Variants in CSMD1 observed in about 807,000 individuals in gnomAD.
CSMD1 encodes the protein CUB and Sushi multiple domains 1, also known as CUB and sushi domain-containing protein 1.
CSMD1 carries 213 observed loss-of-function variants against 417.5 expected under a neutral mutation model. The observed-to-expected ratio is 0.51, with a 90% CI of 0.46 to 0.57. CSMD1 has a LOEUF of 0.57. Ranked by LOEUF, CSMD1 falls within the 20% of genes least tolerant of loss-of-function variation. CSMD1 has a pLI of 0.00. For synonymous variants in CSMD1, 2,862 were observed against 1,736.8 expected (o/e 1.65, Z -16.11); for missense variants, 6,923 against 4,529.7 (o/e 1.53, Z -15.17).
At chr8:3,382,465 A>G (rs1810693445) in intron 18 of CSMD1, among the ~76,000 whole-genome samples, 1 of 116,422 alleles carries the variant, frequency 8.6e-6, no homozygotes, top group Non-Finnish European at 1.8e-5. Flanking sequence ...TATATAATAT[A>G]TTATATATAA....
intron 3 of CSMD1, among the ~76,000 whole-genome samples, chr8:4,090,829 A>C (rs1336258442): frequency 6.6e-6 from 1 of 152,218 alleles, no homozygotes; most frequent in Non-Finnish European, 1.5e-5. Context: ...TCGAATGAAA[A>C]AATAGAAATA....
At chr8:3,600,814 T>G (rs1450710078) in intron 8 of CSMD1, among the ~76,000 whole-genome samples, 1 of 151,980 alleles carries the variant, frequency 6.6e-6, no homozygotes, top group Non-Finnish European at 1.5e-5. Context: ...TTCATATGCA[T>G]GTTTTGCAAC....
chr8:4,657,721 G>GAAAA (rs566573120), intron 1 of CSMD1, among the ~76,000 whole-genome samples: 2 of 118,946 alleles, frequency 1.7e-5, no homozygotes, highest in African/African-American at 6.1e-5. Flanking sequence ...CAAAAGAAAT[G>GAAAA]AAAAAAAAAA....
intron 37 of CSMD1, among the ~76,000 whole-genome samples, chr8:3,174,566 A>T (rs1369375867): frequency 6.6e-6 from 1 of 152,236 alleles, no homozygotes; most frequent in African/African-American, 2.4e-5. Context: ...AAAAATTTTT[A>T]AAAGACTATA....
chr8:3,238,102 G>A (rs909921566), intron 26 of CSMD1, among the ~76,000 whole-genome samples: 3 of 151,968 alleles, frequency 2.0e-5, no homozygotes, highest in African/African-American at 7.3e-5. Flanking sequence ...TCACCGAAGG[G>A]AGATACGGGT....
chr8:3,837,480 G>T lies in CSMD1; in HGVS notation c.819-83438C>A, dbSNP rs574176561. ...AGATGTCCTCCTGGGACCTAATGCTGAACAGCAGAAACAAGATGTGAGATC... is the reference window on the plus strand; with the variant it reads ...AGATGTCCTCCTGGGACCTAATGCTTAACAGCAGAAACAAGATGTGAGATC... On this transcript the variant is annotated intron_variant, in intron 5 of 69. Transcript: ENST00000635120. Among the ~76,000 whole-genome samples the T allele has an allele frequency of 1.7e-4, 26 of 152,176 alleles. No individual in the cohort carries two copies. The South Asian group carries it at 5.4e-3, about 32-fold the overall frequency.
intron 1 of CSMD1, among the ~76,000 whole-genome samples, chr8:4,795,504 T>A (rs1454155328): frequency 2.0e-5 from 3 of 151,794 alleles, no homozygotes; most frequent in Non-Finnish European, 4.4e-5. Flanking sequence ...TATCCTGACC[T>A]GCCCACCTCG....
At chr8:3,500,767 G>C (rs1339698506) in intron 10 of CSMD1, among the ~76,000 whole-genome samples, 1 of 152,320 alleles carries the variant, frequency 6.6e-6, no homozygotes, top group East Asian at 1.9e-4. Flanking sequence ...ACCATGGCAA[G>C]AAAGAACAGC....
chr8:4,736,872 A>G (rs77851646), intron 1 of CSMD1, among the ~76,000 whole-genome samples: 2,461 of 152,224 alleles, frequency 0.016, 69 homozygotes, highest in African/African-American at 0.056. Context: ...CAGAGCTGGT[A>G]TGTAAGCGTT....
chr8:3,805,649 G>A (rs1012944317), intron 5 of CSMD1, among the ~76,000 whole-genome samples: 5 of 152,172 alleles, frequency 3.3e-5, no homozygotes, highest in Admixed American at 2.0e-4. Flanking sequence ...GGAGTAAAAT[G>A]AAGGCAAGTT....
intron 3 of CSMD1, among the ~76,000 whole-genome samples, chr8:4,319,792 G>A (rs746619933): frequency 9.2e-5 from 14 of 152,072 alleles, no homozygotes; most frequent in Admixed American, 2.6e-4. Flanking sequence ...AGAGAGAAGA[G>A]AGCTTCACAA....
chr8:3,482,321 G>A (rs1360168576), intron 11 of CSMD1, among the ~76,000 whole-genome samples: 8 of 152,020 alleles, frequency 5.3e-5, no homozygotes, highest in African/African-American at 1.9e-4. Flanking sequence ...GATAGTAAAA[G>A]AAACAAAAGA....
intron 5 of CSMD1, among the ~76,000 whole-genome samples, chr8:3,850,143 G>T (rs1049834593): frequency 6.6e-6 from 1 of 152,172 alleles, no homozygotes; most frequent in Non-Finnish European, 1.5e-5. Flanking sequence ...CATTCTTAGG[G>T]CATATCCCTT....
At chr8:3,750,802 C>T (rs913861253) in intron 6 of CSMD1, among the ~76,000 whole-genome samples, 1 of 152,184 alleles carries the variant, frequency 6.6e-6, no homozygotes, top group African/African-American at 2.4e-5. Context: ...TAAGCTGTTG[C>T]TCTGTCTCCA....
chr8:4,902,611 G>T (rs917328132), intron 1 of CSMD1, among the ~76,000 whole-genome samples: 2 of 152,108 alleles, frequency 1.3e-5, no homozygotes, highest in Non-Finnish European at 2.9e-5. Flanking sequence ...TTTGACCATT[G>T]TAATATTTTG....
chr8:4,283,873 C>T (rs1019600386), intron 3 of CSMD1, among the ~76,000 whole-genome samples: 1 of 152,182 alleles, frequency 6.6e-6, no homozygotes, highest in African/African-American at 2.4e-5. Flanking sequence ...ACCTCCAGGT[C>T]TTTCTCCATG....
intron 5 of CSMD1, among the ~76,000 whole-genome samples, chr8:3,942,457 A>G (rs1269110801): frequency 6.6e-6 from 1 of 152,024 alleles, no homozygotes; most frequent in Non-Finnish European, 1.5e-5. Context: ...CACCTGGCCC[A>G]TTTGACTATT....
chr8:3,111,540 T>C (rs1437058714), intron 42 of CSMD1, among the ~76,000 whole-genome samples: 1 of 152,062 alleles, frequency 6.6e-6, no homozygotes, highest in Non-Finnish European at 1.5e-5. Context: ...ATCTCTAAAA[T>C]GGGACCATAG....
chr8:4,152,806 A>T (rs1484963362), intron 3 of CSMD1, among the ~76,000 whole-genome samples: 1 of 152,178 alleles, frequency 6.6e-6, no homozygotes, highest in Admixed American at 6.5e-5. Context: ...ATATACACAC[A>T]TACACGTATA....
Sources: gnomAD v4.1 joint callset for allele counts (sites outside exome capture counted in the v4.1 genomes callset) on GRCh38, gnomAD v4.1.1 for gene constraint, MANE v1.5 for transcripts, NCBI Gene and HGNC (gene_info 2026-07-23, HGNC 2026-07-21) for gene names.